The following FRMPD4 variants were observed in gnomAD, a reference collection of about 807,000 sequenced individuals.
FRMPD4 encodes the protein FERM and PDZ domain containing 4, also known as FERM and PDZ domain-containing protein 4.
A neutral mutation model predicts 94.1 loss-of-function variants in FRMPD4; 22 were observed. The ratio of observed to expected loss-of-function variants is 0.23; its 90% confidence interval spans 0.17 to 0.33. The LOEUF (loss-of-function observed/expected upper bound fraction) is 0.33, where lower values mean the gene tolerates loss of function less well. FRMPD4 is among the 10% of genes least tolerant of loss of function. The pLI is 1.00. For missense variants in FRMPD4, 1,111 were observed against 1,339.9 expected (o/e 0.83, Z 2.67); for synonymous variants, 631 against 548.6 (o/e 1.15, Z -2.10).
intron 1 of FRMPD4, among the ~76,000 whole-genome samples, chrX:12,453,084 C>G (rs748165821): frequency 1.8e-5 from 2 of 112,197 alleles, no homozygotes; most frequent in South Asian, 7.4e-4. Context: ...TACTTAGAGG[C>G]AAGTAGTATA....
At chrX:12,591,690 A>C (rs1261700600) in intron 2 of FRMPD4, among the ~76,000 whole-genome samples, 1 of 112,025 alleles carries the variant, frequency 8.9e-6, no homozygotes, top group African/African-American at 3.2e-5. Context: ...GAAGTCTGCC[A>C]AACCTCGATC....
At chrX:11,967,141 G>A (rs776789484) in intron 3 of FRMPD4, among the ~76,000 whole-genome samples, 1 of 112,033 alleles carries the variant, frequency 8.9e-6, no homozygotes, top group African/African-American at 3.2e-5. Flanking sequence ...TTTGGAGATG[G>A]GATCTTGCTA....
intron 1 of FRMPD4, among the ~76,000 whole-genome samples, chrX:12,466,913 T>C (rs756380366): frequency 8.9e-6 from 1 of 112,019 alleles, no homozygotes; most frequent in East Asian, 2.8e-4. Context: ...TAACCAGTGT[T>C]GATATGTATG....
At chrX:11,983,098 C>T (rs977789082) in intron 3 of FRMPD4, among the ~76,000 whole-genome samples, 2 of 111,985 alleles carry the variant, frequency 1.8e-5, no homozygotes, top group African/African-American at 6.5e-5. Context: ...AATTCAAGTT[C>T]CAGCTTAAAG....
intron 2 of FRMPD4, among the ~76,000 whole-genome samples, chrX:12,590,946 G>A (rs1247951947): frequency 8.9e-6 from 1 of 112,294 alleles, no homozygotes; most frequent in East Asian, 2.8e-4. Context: ...GGAAGTTTAA[G>A]TATTAATCTT....
intron 3 of FRMPD4, among the ~76,000 whole-genome samples, chrX:11,906,711 C>T (rs2053970330): frequency 9.2e-6 from 1 of 108,123 alleles, no homozygotes; most frequent in Admixed American, 9.8e-5. Flanking sequence ...TTGTGTGTCT[C>T]CTACTTGGGG....
intron 1 of FRMPD4, among the ~76,000 whole-genome samples, chrX:11,841,534 A>G (rs2147279732): frequency 9.1e-6 from 1 of 109,742 alleles, no homozygotes; most frequent in East Asian, 2.8e-4. Context: ...TTTTGGCTGC[A>G]TAAATGTCTT....
intron 2 of FRMPD4, among the ~76,000 whole-genome samples, chrX:12,512,339 A>C (rs370224603): frequency 9.0e-6 from 1 of 111,570 alleles, no homozygotes; most frequent in Non-Finnish European, 1.9e-5. Flanking sequence ...TAAGCCCTAC[A>C]TGCATTAGCT....
chrX:12,497,159 C>T (rs540581510), intron 1 of FRMPD4, among the ~76,000 whole-genome samples: 2 of 111,175 alleles, frequency 1.8e-5, no homozygotes, highest in African/African-American at 6.5e-5. Flanking sequence ...TTTCTGACAC[C>T]GAACATAATT....
chrX:12,592,673 A>C (rs758523493), intron 2 of FRMPD4, among the ~76,000 whole-genome samples: 14 of 112,089 alleles, frequency 1.2e-4, no homozygotes, highest in Non-Finnish European at 2.4e-4. Flanking sequence ...CTTTAATAAT[A>C]CAATGGTTGA....
chrX:12,575,519 C>T (rs2058802935), intron 2 of FRMPD4, among the ~76,000 whole-genome samples: 2 of 111,035 alleles, frequency 1.8e-5, no homozygotes, highest in Non-Finnish European at 3.8e-5. Context: ...GCCCTTTCCC[C>T]CAGGAAGATG....
intron 1 of FRMPD4, among the ~76,000 whole-genome samples, chrX:12,188,141 A>G (rs972676876): frequency 8.9e-6 from 1 of 111,834 alleles, no homozygotes; most frequent in African/African-American, 3.3e-5. Context: ...TATCAGCACC[A>G]TGGGTTTTGG....
At chrX:11,846,656 C>T (rs2053578537) in intron 1 of FRMPD4, among the ~76,000 whole-genome samples, 4 of 107,717 alleles carry the variant, frequency 3.7e-5, no homozygotes, top group African/African-American at 1.4e-4. Flanking sequence ...GTAACCAAAA[C>T]AGCATGGTAC....
chrX:12,649,813 C>G (rs1037570695), intron 4 of FRMPD4, among the ~76,000 whole-genome samples: 1 of 112,843 alleles, frequency 8.9e-6, no homozygotes, highest in Admixed American at 9.3e-5. Context: ...CTGACCATCC[C>G]TTGTTCCTCT....
At chrX:12,611,923 TA>T (rs747919401) in intron 3 of FRMPD4, among the ~76,000 whole-genome samples, 2,226 of 103,992 alleles carry the variant, frequency 0.021, 61 homozygotes, top group African/African-American at 0.072. Flanking sequence ...GAGGAGAAAG[TA>T]AAAAAAAAAA....
At chrX:12,135,188 A>T (rs751183082), upstream of FRMPD4, among the ~76,000 whole-genome samples, 3 of 111,814 alleles carry the variant, frequency 2.7e-5, no homozygotes, top group South Asian at 1.1e-3. Context: ...GGCCTTAGAG[A>T]TCATCCAGGT....
intron 1 of FRMPD4, among the ~76,000 whole-genome samples, chrX:12,202,981 T>C (rs1007101059): frequency 9.8e-5 from 11 of 112,191 alleles, no homozygotes; most frequent in Non-Finnish European, 2.1e-4. Flanking sequence ...GACACCTTGG[T>C]TTCAGACTTC....
intron 1 of FRMPD4, among the ~76,000 whole-genome samples, chrX:12,315,479 GGGTTTGCAGGAAGAGACATAGCAAAGA>G (rs2055100322): frequency 8.9e-6 from 1 of 111,906 alleles, no homozygotes. Flanking sequence ...TGAATTTGGT[GGGTTTGCAGGAAGAGACATAGCAAAGA>G]ACAGAGGCAG....
In FRMPD4 at chrX:11,932,248, G is replaced by A. The variant is rs371904161; in HGVS notation, c.95+54230G>A. On this transcript the variant is annotated intron_variant, in intron 3 of 18. Coordinates refer to the FRMPD4 transcript ENST00000640291. ...TGCAGGCATGAATTCAGAAAGATGA[G>A]CTACTCACTTAAAAACTTAATAAAA... Among the ~76,000 whole-genome samples the A allele has an allele frequency of 3.6e-5, 4 of 111,736 alleles. No homozygotes were observed. In the East Asian group the frequency reaches 1.1e-3, roughly 31 times the overall value.
Sources: gnomAD v4.1 joint callset for allele counts (sites outside exome capture counted in the v4.1 genomes callset) on GRCh38, gnomAD v4.1.1 for gene constraint, MANE v1.5 for transcripts, NCBI Gene and HGNC (gene_info 2026-07-23, HGNC 2026-07-21) for gene names.